The following WWTR1 variants were observed in gnomAD, a reference collection of about 807,000 sequenced individuals.
WWTR1 encodes the protein WW domain-containing transcription regulator protein 1.
WWTR1 carries 13 observed loss-of-function variants against 40.1 expected under a neutral mutation model. The observed-to-expected ratio is 0.32, with a 90% CI of 0.21 to 0.52. The LOEUF is 0.52. Ranked by LOEUF, WWTR1 falls within the 20% of genes least tolerant of loss-of-function variation. The pLI, the probability that WWTR1 is intolerant of heterozygous loss-of-function variation, is 0.97. For synonymous variants in WWTR1, 230 were observed against 210.1 expected (o/e 1.09, Z -0.82); for missense variants, 436 against 523.1 (o/e 0.83, Z 1.63).
intron 4 of WWTR1, among the ~76,000 whole-genome samples, chr3:149,530,159 A>G (rs1378559510): frequency 6.6e-6 from 1 of 152,110 alleles, no homozygotes; most frequent in Non-Finnish European, 1.5e-5. Context: ...CACCCTGGCT[A>G]ACAAGGTGAA....
chr3:149,543,822 T>C (rs183460909), intron 3 of WWTR1, among the ~76,000 whole-genome samples: 28 of 151,032 alleles, frequency 1.9e-4, no homozygotes, highest in African/African-American at 6.0e-4. Flanking sequence ...TATAATTTTA[T>C]ATACTCACTT....
intron 2 of WWTR1, among the ~76,000 whole-genome samples, chr3:149,623,915 A>ACAACATGAAGG (rs1740430531): frequency 6.6e-6 from 1 of 152,096 alleles, no homozygotes; most frequent in Admixed American, 6.5e-5. Flanking sequence ...GCTCTCTTGC[A>ACAACATGAAGG]TATATGCTTA....
intron 2 of WWTR1, among the ~76,000 whole-genome samples, chr3:149,644,210 T>A (rs563958314): frequency 9.2e-5 from 14 of 152,174 alleles, no homozygotes; most frequent in African/African-American, 3.4e-4. Flanking sequence ...TCGCTGCCTT[T>A]ATCCAATCCA....
intron 3 of WWTR1, among the ~76,000 whole-genome samples, chr3:149,553,900 A>G (rs1021295809): frequency 1.3e-5 from 2 of 152,156 alleles, no homozygotes; most frequent in African/African-American, 4.8e-5. Context: ...AAACCCAGCC[A>G]CAATCCAGCC....
At chr3:149,543,594 A>AG (rs1736232481) in intron 3 of WWTR1, among the ~76,000 whole-genome samples, 1 of 149,346 alleles carries the variant, frequency 6.7e-6, no homozygotes. Flanking sequence ...AAAAAAAAAA[A>AG]AAAAAAAAAG....
intron 5 of WWTR1, among the ~76,000 whole-genome samples, chr3:149,715,138 G>A (rs1715572265): frequency 6.6e-6 from 1 of 152,168 alleles, no homozygotes; most frequent in South Asian, 2.1e-4. Flanking sequence ...ACAAGAACTC[G>A]GGACCCACCA....
At chr3:149,541,701 C>T (rs1392563946) in intron 4 of WWTR1, among the ~76,000 whole-genome samples, 1 of 151,954 alleles carries the variant, frequency 6.6e-6, no homozygotes, top group African/African-American at 2.4e-5. Flanking sequence ...GCAACTTCTA[C>T]TTCCTGTCTC....
At chr3:149,651,490 G>A (rs1712861571) in intron 2 of WWTR1, among the ~76,000 whole-genome samples, 1 of 152,130 alleles carries the variant, frequency 6.6e-6, no homozygotes, top group South Asian at 2.1e-4. Context: ...AGACTCGATA[G>A]GTTAGACAAG....
intron 1 of WWTR1, among the ~76,000 whole-genome samples, chr3:149,697,669 C>T (rs551886425): frequency 6.6e-6 from 1 of 152,290 alleles, no homozygotes; most frequent in South Asian, 2.1e-4. Flanking sequence ...TTTCAAAATA[C>T]AATCATGCCT....
intron 2 of WWTR1, among the ~76,000 whole-genome samples, chr3:149,646,119 G>A (rs1388541110): frequency 1.3e-5 from 2 of 152,184 alleles, no homozygotes; most frequent in East Asian, 3.8e-4. Flanking sequence ...ATTGGTTGAT[G>A]CAAAAATTAT....
rs76860341 is a variant in WWTR1 at position 149,637,230 on chromosome 3, GTT to G, written c.431+19644_431+19645del. 1.1e-3 allele frequency among the ~76,000 whole-genome samples: 155 copies of G among 143,412 alleles called. 1 individual carries two copies. Among genetic ancestry groups the G allele is most frequent in the African/African-American group, 3.3e-3 (129 of 38,626 alleles). 94.1% of individuals were successfully genotyped at this position (143,412 alleles called of 152,430 possible). ...ATTATTTTAACAGCATATTGAGTAT[GTT>G]TTTTTTTTTTTGAGACAGAGTCTCG... On this transcript the variant is annotated intron_variant, in intron 2 of 6. Transcript: ENST00000360632.
At chr3:149,546,165 T>C (rs758941492) in intron 3 of WWTR1, among the ~76,000 whole-genome samples, 2 of 152,222 alleles carry the variant, frequency 1.3e-5, no homozygotes, top group Non-Finnish European at 2.9e-5. Context: ...AAACACTGGT[T>C]TCTTCCATTT....
intron 3 of WWTR1, among the ~76,000 whole-genome samples, chr3:149,546,632 A>G (rs563012399): frequency 1.3e-5 from 2 of 152,362 alleles, no homozygotes; most frequent in East Asian, 3.9e-4. Flanking sequence ...TACTATTTTA[A>G]GTTTTCCCAC....
chr3:149,533,851 G>A (rs553840756), intron 4 of WWTR1, among the ~76,000 whole-genome samples: 2 of 152,356 alleles, frequency 1.3e-5, no homozygotes, highest in East Asian at 3.9e-4. Flanking sequence ...CATTGACGCA[G>A]TTAACAGAAC....
rs1321762608 is a variant in WWTR1 at position 149,518,011 on chromosome 3, A to T, written c.*2794T>A. The stretch of plus-strand genomic sequence containing the variant: ...AATATAGTATAAATAGCACCTTATC[A>T]AGAATTCTGCAGGGGTTTTAACACT... On this transcript the variant is annotated 3_prime_UTR_variant, in exon 7 of 7. Coordinates refer to ENST00000360632, the MANE Select transcript of WWTR1 (RefSeq NM_015472.6). 1.3e-5 allele frequency: 2 copies of T among 152,164 alleles called. No homozygotes were observed. The highest frequency in any genetic ancestry group is 4.8e-5 in the African/African-American group (2 of 41,456). 9.4% of individuals were successfully genotyped at this position (152,164 alleles called of 1,614,324 possible). A position where few individuals can be genotyped will look rare whatever the true frequency, so the allele number is the denominator to read the frequency against.
At chr3:149,541,797 G>A (rs988761811) in intron 4 of WWTR1, among the ~76,000 whole-genome samples, 10 of 152,046 alleles carry the variant, frequency 6.6e-5, no homozygotes, top group Non-Finnish European at 1.5e-4. Flanking sequence ...CCAGGCTTTT[G>A]TTCCAGCTTA....
intron 2 of WWTR1, among the ~76,000 whole-genome samples, chr3:149,575,613 C>T (rs1737843229): frequency 6.6e-6 from 1 of 152,184 alleles, no homozygotes; most frequent in Admixed American, 6.5e-5. Flanking sequence ...AAGGACACTT[C>T]CGTGGTCAGA....
At chr3:149,586,073 A>G (rs1347887307) in intron 2 of WWTR1, among the ~76,000 whole-genome samples, 1 of 152,256 alleles carries the variant, frequency 6.6e-6, no homozygotes, top group Non-Finnish European at 1.5e-5. Flanking sequence ...TTACTTAACA[A>G]AGTACAAAAA....
At chr3:149,641,773 TTA>T (rs1270812584) in intron 2 of WWTR1, among the ~76,000 whole-genome samples, 2 of 152,220 alleles carry the variant, frequency 1.3e-5, no homozygotes, top group African/African-American at 2.4e-5. Flanking sequence ...ACTTAATAGT[TTA>T]TTAAAAAGTT....
Sources: allele counts gnomAD v4.1 joint callset (sites outside exome capture counted in the v4.1 genomes callset), GRCh38; gene constraint gnomAD v4.1.1; transcripts MANE v1.5; gene names NCBI Gene and HGNC (gene_info 2026-07-23, HGNC 2026-07-21).